The following GRM4 variants were observed in gnomAD, a reference collection of about 807,000 sequenced individuals.
GRM4 encodes glutamate metabotropic receptor 4, also known as metabotropic glutamate receptor 4.
Under a neutral mutation model 81.7 loss-of-function variants are expected in GRM4, and 28 were observed. The ratio of observed to expected loss-of-function variants is 0.34; its 90% CI spans 0.25 to 0.47. The LOEUF (loss-of-function observed/expected upper bound fraction) is 0.47. GRM4 is among the 20% of genes least tolerant of loss of function. GRM4 has a pLI of 1.00. For missense variants in GRM4, 948 were observed against 1,290.0 expected (o/e 0.73, Z 4.06); for synonymous variants, 488 against 528.8 (o/e 0.92, Z 1.06).
intron 8 of GRM4, among the ~76,000 whole-genome samples, chr6:34,038,245 T>A (rs931168306): frequency 6.6e-6 from 1 of 152,270 alleles, no homozygotes; most frequent in African/African-American, 2.4e-5. Context: ...TGGCTTCTCC[T>A]CTCTGAGCCT....
intron 1 of GRM4, among the ~76,000 whole-genome samples, chr6:34,134,729 A>C (rs1253156472): frequency 4.9e-5 from 5 of 101,752 alleles, no homozygotes; most frequent in South Asian, 3.7e-4. Context: ...CTTTCTCCCC[A>C]CCCCCACTTC....
chr6:34,037,861 CAAAAAAAAAA>C lies in GRM4; in HGVS notation c.1507-1268_1507-1259del, dbSNP rs34369343. On this transcript the variant is annotated intron_variant, in intron 8 of 10. Coordinates refer to ENST00000538487, the MANE Select transcript of GRM4 (RefSeq NM_000841.4). ...CTGACGACAGAGCAAGATTCCGTCTCAAAAAAAAAAAAAAAAAAAGAATAAAGGAAAGGGG... is the reference window on the plus strand; with the variant it reads ...CTGACGACAGAGCAAGATTCCGTCTCAAAAAAAAAGAATAAAGGAAAGGGG... 6.9e-5 allele frequency among the ~76,000 whole-genome samples: 8 copies of C among 116,170 alleles called. No homozygotes were observed. The East Asian group carries it at 1.2e-3, about 18-fold the overall frequency. The allele number at this position is 116,170 out of a possible 152,430, so 76.2% of individuals were successfully genotyped here.
At chr6:34,046,355 T>G (rs1765362795) in intron 6 of GRM4, among the ~76,000 whole-genome samples, 1 of 152,118 alleles carries the variant, frequency 6.6e-6, no homozygotes, top group Non-Finnish European at 1.5e-5. Context: ...AACACGACAC[T>G]AATACAAACA....
chr6:34,120,611 C>A (rs1769771760), intron 2 of GRM4, among the ~76,000 whole-genome samples: 1 of 152,170 alleles, frequency 6.6e-6, no homozygotes, highest in Non-Finnish European at 1.5e-5. Flanking sequence ...CAGGAGCTAC[C>A]AATTCGGGCA....
chr6:34,147,766 G>A (rs1488857469), upstream of GRM4, among the ~76,000 whole-genome samples: 1 of 152,094 alleles, frequency 6.6e-6, no homozygotes, highest in African/African-American at 2.4e-5. Flanking sequence ...CTAGTGACTG[G>A]GGCCCTACTT....
chr6:34,108,753 G>A (rs1769241608), intron 2 of GRM4, among the ~76,000 whole-genome samples: 1 of 152,130 alleles, frequency 6.6e-6, no homozygotes, highest in Non-Finnish European at 1.5e-5. Flanking sequence ...AGAGAACAGG[G>A]CAGCCCCCGC....
At chr6:34,125,618 G>A (rs918717057) in intron 2 of GRM4, among the ~76,000 whole-genome samples, 18 of 152,232 alleles carry the variant, frequency 1.2e-4, no homozygotes, top group Admixed American at 1.0e-3. Flanking sequence ...CACAGGGAAG[G>A]GCCTGCCCAA....
chr6:34,133,569 G>C lies in GRM4; in HGVS notation c.-73C>G. 1 of 1,493,566 alleles carries C rather than the reference G, an allele frequency of 6.7e-7. No homozygotes were observed. Among genetic ancestry groups the C allele is most frequent in the Non-Finnish European group, 8.9e-7 (1 of 1,129,256 alleles). 92.5% of individuals were successfully genotyped at this position (1,493,566 alleles called of 1,614,324 possible). On this transcript the variant is annotated 5_prime_UTR_variant, in exon 2 of 11. Coordinates refer to ENST00000538487, the MANE Select transcript of GRM4 (RefSeq NM_000841.4). This position sits in a 1 kb window ranked among gnomAD's most constrained non-coding sequence, Gnocchi z 6.5. ...TGGCAGGCCCCTGGCCCCACGGCCTGGGTGGGCATGGGCAGGGCAGCTTCA... is the reference window on the plus strand; with the variant it reads ...TGGCAGGCCCCTGGCCCCACGGCCTCGGTGGGCATGGGCAGGGCAGCTTCA...
At chr6:34,129,952 G>C (rs755475992) in intron 2 of GRM4, among the ~76,000 whole-genome samples, 2 of 152,164 alleles carry the variant, frequency 1.3e-5, no homozygotes, top group Non-Finnish European at 2.9e-5. Flanking sequence ...TATCATCACA[G>C]CCTCTGGTGC....
intron 2 of GRM4, among the ~76,000 whole-genome samples, chr6:34,107,747 C>T (rs917294586): frequency 6.6e-6 from 1 of 152,192 alleles, no homozygotes; most frequent in Admixed American, 6.5e-5. Context: ...GGAGACACAG[C>T]TTGACGGGCA....
chr6:34,067,810 G>A (rs965910801), intron 3 of GRM4, among the ~76,000 whole-genome samples: 1 of 152,182 alleles, frequency 6.6e-6, no homozygotes, highest in African/African-American at 2.4e-5. Flanking sequence ...GAGCATGCAG[G>A]TGGCAGAGGA....
chr6:34,056,427 T>TCCTGCCACGGCCGGC, intron 6 of GRM4, 117 bp downstream of exon 6: 1 of 917,464 alleles, frequency 1.1e-6, no homozygotes, highest in South Asian at 1.7e-5. Flanking sequence ...CAACTGCACG[T>TCCTGCCACGGCCGGC]CCTGCCACGG....
intron 3 of GRM4, among the ~76,000 whole-genome samples, chr6:34,071,514 T>C (rs1262313989): frequency 0.015 from 30 of 1,940 alleles, no homozygotes; most frequent in African/African-American, 0.021. Flanking sequence ...ACACCACACA[T>C]ACCCACACAT....
At chr6:34,072,401 A>C (rs1483073688) in intron 3 of GRM4, among the ~76,000 whole-genome samples, 1 of 148,700 alleles carries the variant, frequency 6.7e-6, no homozygotes, top group African/African-American at 2.5e-5. Context: ...ACACACACAC[A>C]CCCTTACATC....
At chr6:34,107,467 C>T (rs962138364) in intron 2 of GRM4, among the ~76,000 whole-genome samples, 6 of 151,672 alleles carry the variant, frequency 4.0e-5, no homozygotes, top group African/African-American at 7.3e-5. Flanking sequence ...GGCCTCTCAC[C>T]GGACCCACAC....
At chr6:34,045,845 C>G (rs1487761950) in intron 6 of GRM4, among the ~76,000 whole-genome samples, 2 of 151,552 alleles carry the variant, frequency 1.3e-5, no homozygotes, top group Non-Finnish European at 2.9e-5. Flanking sequence ...ATGGCAGTGA[C>G]AGTAGCAACA....
intron 6 of GRM4, among the ~76,000 whole-genome samples, chr6:34,043,289 A>G (rs7775780): frequency 0.26 from 40,195 of 152,098 alleles, 6,321 homozygotes; most frequent in African/African-American, 0.44. Context: ...TGCCTTGTCC[A>G]AGGCCTCTGA....
intron 3 of GRM4, chr6:34,063,614 G>A (rs1766293507): frequency 6.6e-6 from 1 of 152,424 alleles, no homozygotes; most frequent in Non-Finnish European, 1.5e-5. Context: ...AGTCCCAAGT[G>A]CTAGAGAAGA....
At position 34,152,357 on chromosome 6, in the gene GRM4, A is replaced by T. The variant is rs1045284395; in HGVS notation, c.312+2722T>A. 1.3e-5 allele frequency among the ~76,000 whole-genome samples: 2 copies of T among 152,160 alleles called. No homozygotes were observed. Among genetic ancestry groups the T allele is most frequent in the Admixed American group, 6.5e-5 (1 of 15,288 alleles). On this transcript the variant is annotated intron_variant, in intron 1 of 8. Coordinates refer to the GRM4 transcript ENST00000374177. This position sits in a 1 kb window ranked among gnomAD's most constrained non-coding sequence, Gnocchi z 4.1. The stretch of plus-strand genomic sequence containing the variant: ...AGGCAGGCTGCACTGCCCTGGAAAA[A>T]GTCCCATCAAGGCAGAGGAGAAGGG...
Sources: allele counts gnomAD v4.1 joint callset (sites outside exome capture counted in the v4.1 genomes callset), GRCh38; gene constraint gnomAD v4.1.1; non-coding constraint Gnocchi (gnomAD v3.1); transcripts MANE v1.5; gene names NCBI Gene and HGNC (gene_info 2026-07-23, HGNC 2026-07-21).